The following FBLN2 variants were observed in gnomAD, a reference collection of about 807,000 sequenced individuals.
FBLN2 encodes the protein fibulin-2.
Under a neutral mutation model 123.7 loss-of-function variants are expected in FBLN2, and 81 were observed. The observed-to-expected ratio is 0.65, with a 90% CI of 0.55 to 0.79. The LOEUF (loss-of-function observed/expected upper bound fraction) is 0.79, where lower values mean the gene tolerates loss of function less well. Among genes scored for constraint, FBLN2 ranks in the 30% least tolerant of loss-of-function variants. The pLI is 0.00. For synonymous variants in FBLN2, 699 were observed against 701.4 expected, an observed-to-expected ratio of 1.00 and a Z score of 0.05; for missense variants, 1,603 against 1,681.3, an observed-to-expected ratio of 0.95 and a Z score of 0.81.
intron 5 of FBLN2, among the ~76,000 whole-genome samples, chr3:13,614,528 C>T (rs1705514595): frequency 2.6e-5 from 4 of 152,100 alleles, no homozygotes; most frequent in Admixed American, 2.6e-4. Context: ...TCCATCTCTC[C>T]ATCCATTCAT....
At chr3:13,608,305 T>TG in intron 3 of FBLN2, 132 bp downstream of exon 3, 1 of 664,224 alleles carries the variant, frequency 1.5e-6, no homozygotes, top group East Asian at 2.7e-5. Context: ...TGAGGGTGAT[T>TG]GGGTGTGGCT....
intron 2 of FBLN2, among the ~76,000 whole-genome samples, chr3:13,603,404 C>T (rs1182748044): frequency 2.3e-5 from 3 of 130,568 alleles, no homozygotes; most frequent in African/African-American, 8.7e-5. Flanking sequence ...CACCCCACGA[C>T]AGGCCCCAGT....
At chr3:13,627,759 G>A (rs1315156203) in intron 10 of FBLN2, 73 bp from the exon 11 acceptor site, 1 of 1,497,258 alleles carries the variant, frequency 6.7e-7, no homozygotes, top group East Asian at 2.5e-5. Context: ...GGGCGGGGAT[G>A]TGTGGGCAGG....
chr3:13,637,455 G>C (rs972203740), intron 17 of FBLN2, 107 bp from the exon 18 acceptor site: 2 of 1,030,450 alleles, frequency 1.9e-6, no homozygotes, highest in African/African-American at 3.2e-5. Context: ...GGCCATTAGG[G>C]AGAGAGCTGG....
intron 2 of FBLN2, among the ~76,000 whole-genome samples, chr3:13,579,198 G>A (rs560917722): frequency 2.8e-4 from 43 of 152,342 alleles, no homozygotes; most frequent in African/African-American, 9.4e-4. Flanking sequence ...GCATCTCATC[G>A]TGGTTTAGAT....
At chr3:13,601,806 T>C (rs988278658) in intron 2 of FBLN2, among the ~76,000 whole-genome samples, 1 of 152,122 alleles carries the variant, frequency 6.6e-6, no homozygotes, top group Admixed American at 6.5e-5. Flanking sequence ...AGAGGGTTAT[T>C]TATTTGTTTC....
chr3:13,570,332 G>T lies in FBLN2; in HGVS notation c.-24G>T, dbSNP rs1267202120. ...TCCCCCAGGGTCTTACAGGAGAGGGGACCGTCCTGGGCTGGCCTGGACCAT... is the reference window on the plus strand; with the variant it reads ...TCCCCCAGGGTCTTACAGGAGAGGGTACCGTCCTGGGCTGGCCTGGACCAT... On this transcript the variant is annotated 5_prime_UTR_variant, in exon 2 of 18. Coordinates refer to ENST00000404922, the MANE Select transcript of FBLN2 (RefSeq NM_001004019.2). 2.7e-6 allele frequency: 4 copies of T among 1,500,812 alleles called. No homozygotes were observed. Among genetic ancestry groups the T allele is most frequent in the East Asian group, 4.9e-5 (2 of 40,732 alleles). The allele number at this position is 1,500,812 out of a possible 1,614,324, so 93.0% of individuals were successfully genotyped here. A position where few individuals can be genotyped will look rare whatever the true frequency, so the allele number is the denominator to read the frequency against.
chr3:13,609,691 G>GCCCC, intron 4 of FBLN2, 49 bp downstream of exon 4: 2 of 1,477,310 alleles, frequency 1.4e-6, no homozygotes, highest in Non-Finnish European at 9.2e-7. Flanking sequence ...GGGCGGGGCG[G>GCCCC]GAGGCTGGCC....
At chr3:13,629,127 G>C in intron 12 of FBLN2, 37 bp from the exon 13 acceptor site, 1 of 1,612,742 alleles carries the variant, frequency 6.2e-7, no homozygotes, top group East Asian at 2.2e-5. Flanking sequence ...TGTGGAGGGA[G>C]CCCCAGGCCT....
chr3:13,596,348 A>C (rs1366447571), intron 2 of FBLN2, among the ~76,000 whole-genome samples: 1 of 152,152 alleles, frequency 6.6e-6, no homozygotes, highest in East Asian at 1.9e-4. Flanking sequence ...TGTGTTACCT[A>C]GGCTGGTCAG....
At chr3:13,602,571 G>A (rs990026634) in intron 2 of FBLN2, among the ~76,000 whole-genome samples, 1 of 152,264 alleles carries the variant, frequency 6.6e-6, no homozygotes, top group Non-Finnish European at 1.5e-5. Flanking sequence ...TGAATAAAGT[G>A]TATGTTATAC....
intron 2 of FBLN2, among the ~76,000 whole-genome samples, chr3:13,580,989 C>T (rs1240336698): frequency 6.6e-6 from 1 of 152,196 alleles, no homozygotes; most frequent in African/African-American, 2.4e-5. Context: ...ATGTCTGTGC[C>T]ACGTGGTCTC....
chr3:13,571,135 G>C lies in FBLN2; in HGVS notation c.780G>C (p.Leu260=). 1 of 1,553,570 alleles carries C rather than the reference G, an allele frequency of 6.4e-7. No homozygotes were observed. The highest frequency in any genetic ancestry group is 8.7e-7 in the Non-Finnish European group (1 of 1,149,136). ...CCAGGCCCACAGCGGCTGCTGCCCT[G>C]GGTCCCCCAGCCCCAGTGCAGGCCA... ...VLPRPTAAAA[L]GPPAPVQAKA... is the part of the protein sequence containing the mutation. The change falls in exon 2 of 18, where the codon CTG becomes CTC. Residue 260 remains leucine (L), a synonymous_variant. Coordinates refer to ENST00000404922, the MANE Select transcript of FBLN2 (RefSeq NM_001004019.2).
rs1292550759 is a variant in FBLN2, at chr3:13,629,169, A to G, written c.2719A>G (p.Asn907Asp). The G allele has an allele frequency of 6.2e-7, 1 of 1,613,076 alleles. No homozygotes were observed. Residue 907 changes from asparagine to aspartate, a missense_variant, in exon 13 of 18, where the codon AAT (asparagine) becomes GAT (aspartate). Asn to Asp is a conservative substitution (Grantham distance 23, BLOSUM62 1). Transcript: ENST00000404922. ...ACCCTGCTCACCCCCCACAGACGTGAATGAGTGTGAGACAGGTGTGCACCG... is the reference window on the plus strand; with the variant it reads ...ACCCTGCTCACCCCCCACAGACGTGGATGAGTGTGAGACAGGTGTGCACCG... Reference protein sequence around the residue: ...SDDGTKCVDVNECETGVHRCG... With the variant: ...SDDGTKCVDVDECETGVHRCG...
intron 1 of FBLN2, among the ~76,000 whole-genome samples, chr3:13,553,446 C>T (rs540469094): frequency 1.3e-5 from 2 of 152,278 alleles, no homozygotes; most frequent in Admixed American, 6.5e-5. Flanking sequence ...GAGCCAGCTC[C>T]GTCCACCTCC....
chr3:13,628,017 G>A (rs1424335594), intron 11 of FBLN2, 48 bp downstream of exon 11: 2 of 1,581,244 alleles, frequency 1.3e-6, no homozygotes. Context: ...GGGCTCTACT[G>A]GAGGCATTGT....
chr3:13,617,899 C>T (rs77442827), intron 5 of FBLN2, among the ~76,000 whole-genome samples, 177 bp from the exon 6 acceptor site: 5,848 of 151,138 alleles, frequency 0.039, 164 homozygotes, highest in East Asian at 0.13. Flanking sequence ...TCTATCCATC[C>T]ATCTATCCAC....
At chr3:13,615,723 G>C (rs1705576162) in intron 5 of FBLN2, among the ~76,000 whole-genome samples, 1 of 152,236 alleles carries the variant, frequency 6.6e-6, no homozygotes, top group South Asian at 2.1e-4. Context: ...CAGCTCAGAG[G>C]GGGAAGATGA....
At chr3:13,620,353 G>C (rs1705807485) in intron 8 of FBLN2, among the ~76,000 whole-genome samples, 1 of 152,232 alleles carries the variant, frequency 6.6e-6, no homozygotes, top group African/African-American at 2.4e-5. Context: ...GGGGGAAGGG[G>C]AAGCAATGCC....
Sources: gnomAD v4.1 joint callset for allele counts (sites outside exome capture counted in the v4.1 genomes callset) on GRCh38, gnomAD v4.1.1 for gene constraint, MANE v1.5 for transcripts, NCBI Gene and HGNC (gene_info 2026-07-23, HGNC 2026-07-21) for gene names.